ADARB2: variants seen among roughly 807,000 people sequenced by gnomAD.
ADARB2 encodes adenosine deaminase RNA specific B2 (inactive), also known as inactive double-stranded RNA-specific editase B2.
A neutral mutation model predicts 62.2 loss-of-function variants in ADARB2; 25 were observed. That is an observed-to-expected ratio of 0.40 (90% CI 0.29 to 0.56). The LOEUF (loss-of-function observed/expected upper bound fraction) is 0.56. ADARB2 is among the 20% of genes least tolerant of loss of function. The probability of loss-of-function intolerance (pLI) is 0.43; values close to 1 mark genes in which losing one functional copy is unlikely to be tolerated. For synonymous variants in ADARB2, 572 were observed against 500.8 expected, an observed-to-expected ratio of 1.14 and a Z score of -1.90; for missense variants, 1,071 against 1,077.4, an observed-to-expected ratio of 0.99 and a Z score of 0.08.
At chr10:1,707,171 T>C (rs1456390615) in intron 1 of ADARB2, among the ~76,000 whole-genome samples, 2 of 152,252 alleles carry the variant, frequency 1.3e-5, no homozygotes, top group Non-Finnish European at 2.9e-5. Flanking sequence ...TCACGCGGTG[T>C]CCCGGATTCC....
At chr10:1,185,400 C>A (rs749325631) in intron 8 of ADARB2, among the ~76,000 whole-genome samples, 1 of 152,342 alleles carries the variant, frequency 6.6e-6, no homozygotes, top group South Asian at 2.1e-4. Context: ...TATCAGGCAC[C>A]TTTGCAGGCC....
chr10:1,452,779 C>T (rs867009884), intron 1 of ADARB2, among the ~76,000 whole-genome samples: 32 of 150,572 alleles, frequency 2.1e-4, no homozygotes, highest in African/African-American at 7.6e-4. Context: ...TGCACATGTA[C>T]CCCAGAACTT....
chr10:1,604,342 G>A (rs1833468634), intron 1 of ADARB2, among the ~76,000 whole-genome samples: 1 of 151,980 alleles, frequency 6.6e-6, no homozygotes, highest in African/African-American at 2.4e-5. Flanking sequence ...ATTTGATGTC[G>A]ACCCGACGTT....
At chr10:1,370,336 A>T (rs533092671) in intron 2 of ADARB2, among the ~76,000 whole-genome samples, 1 of 152,356 alleles carries the variant, frequency 6.6e-6, no homozygotes, top group African/African-American at 2.4e-5. Context: ...ACAAACCCAC[A>T]GCCAACGTCA....
At chr10:1,457,626 C>A (rs1831111339) in intron 1 of ADARB2, among the ~76,000 whole-genome samples, 1 of 152,212 alleles carries the variant, frequency 6.6e-6, no homozygotes, top group African/African-American at 2.4e-5. Context: ...CACAGAGCTA[C>A]AATTCCACAG....
chr10:1,653,084 G>A (rs370126502), intron 1 of ADARB2, among the ~76,000 whole-genome samples: 1 of 152,192 alleles, frequency 6.6e-6, no homozygotes, highest in Non-Finnish European at 1.5e-5. Context: ...CCCTGCAAAA[G>A]GGTGGCTGAT....
At chr10:1,190,191 G>A (rs1046699744) in intron 8 of ADARB2, among the ~76,000 whole-genome samples, 2 of 151,450 alleles carry the variant, frequency 1.3e-5, no homozygotes, top group Non-Finnish European at 2.9e-5. Flanking sequence ...GGAGAAACGC[G>A]TCCTCCCAAG....
intron 1 of ADARB2, among the ~76,000 whole-genome samples, chr10:1,488,924 G>T (rs1831585905): frequency 6.6e-6 from 1 of 152,244 alleles, no homozygotes; most frequent in Non-Finnish European, 1.5e-5. Context: ...TGATCAGGGA[G>T]ACCTTATACA....
chr10:1,683,571 C>A (rs1834565902), intron 1 of ADARB2, among the ~76,000 whole-genome samples: 1 of 152,106 alleles, frequency 6.6e-6, no homozygotes, highest in African/African-American at 2.4e-5. Context: ...CCGCTTGGGT[C>A]TTTGTGCCCA....
intron 1 of ADARB2, among the ~76,000 whole-genome samples, chr10:1,511,301 A>C (rs1831933574): frequency 1.3e-5 from 2 of 152,200 alleles, no homozygotes; most frequent in South Asian, 4.1e-4. Context: ...AAAGCAATAC[A>C]TATTTATTGA....
At chr10:1,239,352 T>C (rs1178430844) in intron 5 of ADARB2, among the ~76,000 whole-genome samples, 1 of 15,858 alleles carries the variant, frequency 6.3e-5, no homozygotes. Context: ...TCCCGGTGTT[T>C]ACTCCCCCTC....
chr10:1,627,152 C>T (rs17294019), intron 1 of ADARB2, among the ~76,000 whole-genome samples: 11,334 of 152,202 alleles, frequency 0.074, 547 homozygotes, highest in South Asian at 0.19. Context: ...CCTCGAGCAC[C>T]GAGACTGAGA....
At chr10:1,186,157 C>T (rs1340334191) in intron 8 of ADARB2, among the ~76,000 whole-genome samples, 1 of 152,204 alleles carries the variant, frequency 6.6e-6, no homozygotes, top group Non-Finnish European at 1.5e-5. Flanking sequence ...ATGTGACCCT[C>T]GGGGTGGGGA....
At chr10:1,427,864 A>G (rs55971690) in intron 1 of ADARB2, among the ~76,000 whole-genome samples, 13,409 of 152,298 alleles carry the variant, frequency 0.088, 632 homozygotes, top group South Asian at 0.19. Flanking sequence ...TAAACACACC[A>G]TGGTCATACA....
chr10:1,410,881 G>A (rs374548689), intron 1 of ADARB2, among the ~76,000 whole-genome samples: 12 of 152,198 alleles, frequency 7.9e-5, no homozygotes, highest in African/African-American at 2.2e-4. Flanking sequence ...TGTTTCAGCT[G>A]CCCGGATGGA....
chr10:1,214,228 T>G (rs1837201135), intron 7 of ADARB2, among the ~76,000 whole-genome samples: 1 of 150,318 alleles, frequency 6.7e-6, no homozygotes, highest in African/African-American at 2.4e-5. Flanking sequence ...TCGTGTAGGT[T>G]TGCACCTGTG....
intron 1 of ADARB2, among the ~76,000 whole-genome samples, chr10:1,450,105 A>T (rs1474546957): frequency 1.3e-5 from 2 of 152,152 alleles, no homozygotes; most frequent in African/African-American, 4.8e-5. Context: ...GAGAGTCTCC[A>T]CACTGAGAGC....
rs1471215204 is a variant in ADARB2, at chr10:1,373,786, GACTCC to G, written c.187+5283_187+5287del. Among the ~76,000 whole-genome samples, 86 of 82,906 alleles carry G rather than the reference GACTCC, an allele frequency of 1.0e-3. 1 individual carries two copies. Among genetic ancestry groups the G allele is most frequent in the South Asian group, 2.1e-3 (5 of 2,346 alleles). 54.4% of individuals were successfully genotyped at this position (82,906 alleles called of 152,430 possible). A position where few individuals can be genotyped will look rare whatever the true frequency, so the allele number is the denominator to read the frequency against. ...GCACCTTTCCTAATGAGACCACGTG[GACTCC>G]GCGCACCTTTCCTAGTGAGACCGCG... On this transcript the variant is annotated intron_variant, in intron 2 of 9. Coordinates refer to ENST00000381312, the MANE Select transcript of ADARB2 (RefSeq NM_018702.4).
intron 6 of ADARB2, among the ~76,000 whole-genome samples, chr10:1,223,126 C>G (rs1227917923): frequency 6.6e-6 from 1 of 152,050 alleles, no homozygotes; most frequent in Non-Finnish European, 1.5e-5. Flanking sequence ...TGAAGAGGTC[C>G]TTCACATCCC....
Sources: gnomAD v4.1 joint callset for allele counts (sites outside exome capture counted in the v4.1 genomes callset) on GRCh38, gnomAD v4.1.1 for gene constraint, MANE v1.5 for transcripts, NCBI Gene and HGNC (gene_info 2026-07-23, HGNC 2026-07-21) for gene names.